Variants in DMD observed in about 807,000 individuals in gnomAD.
The protein encoded by DMD is dystrophin, also known as mutant dystrophin.
DMD carries 63 observed loss-of-function variants against 330.1 expected under a neutral mutation model. The ratio of observed to expected loss-of-function variants is 0.19; its 90% CI spans 0.16 to 0.24. The LOEUF is 0.24. Ranked by LOEUF, DMD falls within the 10% of genes least tolerant of loss-of-function variation. DMD has a pLI of 1.00. For synonymous variants in DMD, 1,223 were observed against 959.8 expected (o/e 1.27, Z -5.07); for missense variants, 3,344 against 2,684.1 (o/e 1.25, Z -5.43).
intron 43 of DMD, among the ~76,000 whole-genome samples, chrX:32,254,321 C>A (rs542135781): frequency 5.3e-5 from 6 of 112,180 alleles, no homozygotes; most frequent in South Asian, 7.4e-4. Flanking sequence ...GGATTACAGG[C>A]GAGAGCCACC....
At chrX:31,674,692 G>A (rs1417852173) in intron 53 of DMD, among the ~76,000 whole-genome samples, 1 of 112,137 alleles carries the variant, frequency 8.9e-6, no homozygotes, top group East Asian at 2.8e-4. Flanking sequence ...ATGAAAACTC[G>A]GAGCCTGGGA....
intron 1 of DMD, among the ~76,000 whole-genome samples, chrX:33,111,057 A>G (rs923886161): frequency 5.4e-5 from 6 of 111,647 alleles, no homozygotes; most frequent in Non-Finnish European, 9.4e-5. Context: ...AGCTACTGCA[A>G]CTAAGCACTC....
chrX:32,184,340 A>C, intron 44 of DMD, among the ~76,000 whole-genome samples: 1 of 111,175 alleles, frequency 9.0e-6, no homozygotes, highest in East Asian at 2.8e-4. Context: ...ATGGATGGGT[A>C]TTTAACAATT....
At chrX:33,042,157 G>C (rs1367089246) in intron 1 of DMD, among the ~76,000 whole-genome samples, 8 of 111,406 alleles carry the variant, frequency 7.2e-5, no homozygotes, top group Non-Finnish European at 1.5e-4. Flanking sequence ...TTTTGTAATT[G>C]TAACAACCTC....
In DMD at chrX:31,990,912, T is replaced by C. The variant is rs185193615; in HGVS notation, c.6439-22398A>G. Reference sequence around the variant, plus strand: ...AATGTTCAAGACAATAGAAGACATGTCATATTTCAATACCTGATGAATTTC... The same window carrying C: ...AATGTTCAAGACAATAGAAGACATGCCATATTTCAATACCTGATGAATTTC... On this transcript the variant is annotated intron_variant, in intron 44 of 78. Transcript: ENST00000357033. 5.8e-4 allele frequency among the ~76,000 whole-genome samples: 65 copies of C among 112,403 alleles called. 3 individuals are homozygous for C. In the East Asian group the frequency reaches 0.018, roughly 31 times the overall value.
At chrX:32,613,195 T>C (rs2057305968) in intron 12 of DMD, among the ~76,000 whole-genome samples, 1 of 111,465 alleles carries the variant, frequency 9.0e-6, no homozygotes, top group Non-Finnish European at 1.9e-5. Context: ...AAATTATTTG[T>C]TGTTTATCTG....
chrX:32,165,996 C>G (rs902447643), intron 44 of DMD, among the ~76,000 whole-genome samples: 7 of 111,084 alleles, frequency 6.3e-5, no homozygotes, highest in Non-Finnish European at 1.1e-4. Context: ...CTGAGGCCTC[C>G]CCAGCCATAT....
intron 64 of DMD, among the ~76,000 whole-genome samples, chrX:31,215,085 T>G (rs1172959177): frequency 1.1e-4 from 12 of 105,880 alleles, no homozygotes; most frequent in South Asian, 4.5e-4. Flanking sequence ...GGGACTACAG[T>G]CGCTCGCCAT....
At chrX:31,722,875 G>A (rs778910849) in intron 52 of DMD, among the ~76,000 whole-genome samples, 27 of 109,481 alleles carry the variant, frequency 2.5e-4, no homozygotes, top group African/African-American at 7.3e-4. Flanking sequence ...ACGAAACCCC[G>A]TCCCTACTAA....
At chrX:31,127,275 C>T (rs769301081) in intron 77 of DMD, among the ~76,000 whole-genome samples, 1 of 112,261 alleles carries the variant, frequency 8.9e-6, no homozygotes, top group Non-Finnish European at 1.9e-5. Flanking sequence ...ATGGGCAAGC[C>T]ACAGAGCCAG....
chrX:31,337,340 C>G (rs2057463692), intron 61 of DMD, among the ~76,000 whole-genome samples: 1 of 111,726 alleles, frequency 9.0e-6, no homozygotes, highest in Admixed American at 9.5e-5. Flanking sequence ...CTGCAGTCGC[C>G]TGAAATCAAG....
Position 33,109,397 on chromosome X carries a change from G to A in DMD, c.32-89197C>T, listed in dbSNP as rs150977507. Among the ~76,000 whole-genome samples the A allele has an allele frequency of 4.5e-3, 498 of 111,677 alleles. 4 individuals are homozygous for A. Among genetic ancestry groups the A allele is most frequent in the African/African-American group, 0.015 (454 of 30,778 alleles). On this transcript the variant is annotated intron_variant, in intron 1 of 78. Coordinates refer to ENST00000357033, the MANE Select transcript of DMD (RefSeq NM_004006.3). ...GTCTATTAGTGTATTTTTTCAGTCC[G>A]GTTTGTTTCTTCTGCTTCTTTAAAT...
At chrX:32,227,047 TA>T (rs2097150310) in intron 43 of DMD, among the ~76,000 whole-genome samples, 1 of 107,005 alleles carries the variant, frequency 9.3e-6, no homozygotes, top group Non-Finnish European at 1.9e-5. Flanking sequence ...GATGCACATT[TA>T]GGGACTGTGA....
rs777970639 is a variant in DMD at position 32,070,975 on chromosome X, C to T, written c.6439-102461G>A. 3.6e-5 allele frequency among the ~76,000 whole-genome samples: 4 copies of T among 111,620 alleles called. No individual in the cohort carries two copies. In the South Asian group the frequency reaches 1.5e-3, roughly 42 times the overall value. ...TGATGGTTTCCAGCTTCATCCATGTCCCTACAAAGGACGTGAACTCATCCT... is the reference window on the plus strand; with the variant it reads ...TGATGGTTTCCAGCTTCATCCATGTTCCTACAAAGGACGTGAACTCATCCT... On this transcript the variant is annotated intron_variant, in intron 44 of 78. Transcript: ENST00000357033.
At chrX:32,453,472 C>T (rs969298853) in intron 26 of DMD, among the ~76,000 whole-genome samples, 7 of 110,630 alleles carry the variant, frequency 6.3e-5, no homozygotes, top group East Asian at 2.8e-4. Flanking sequence ...ATGACAGATT[C>T]GATATTTAAA....
intron 55 of DMD, among the ~76,000 whole-genome samples, chrX:31,550,853 G>C (rs1259541407): frequency 8.9e-6 from 1 of 111,863 alleles, no homozygotes; most frequent in Admixed American, 9.5e-5. Context: ...TAGGGAACAG[G>C]AAAGGAGGAG....
intron 40 of DMD, chrX:32,342,798 A>T: frequency 2.8e-6 from 1 of 353,934 alleles, no homozygotes; most frequent in Non-Finnish European, 5.3e-6. Flanking sequence ...GATGAAATGA[A>T]TGGGCTAACA....
intron 16 of DMD, among the ~76,000 whole-genome samples, chrX:32,560,495 G>A (rs892706187): frequency 4.5e-5 from 5 of 110,236 alleles, no homozygotes; most frequent in African/African-American, 1.7e-4. Context: ...GGTTTGTTAT[G>A]GAGGTAAATG....
chrX:32,528,173 G>A (rs1222494089), intron 17 of DMD, among the ~76,000 whole-genome samples: 2 of 110,981 alleles, frequency 1.8e-5, no homozygotes, highest in Non-Finnish European at 3.8e-5. Flanking sequence ...GCCAGCTGTG[G>A]TGGTGGGCAC....
Sources: allele counts gnomAD v4.1 joint callset (sites outside exome capture counted in the v4.1 genomes callset), GRCh38; gene constraint gnomAD v4.1.1; transcripts MANE v1.5; gene names NCBI Gene and HGNC (gene_info 2026-07-23, HGNC 2026-07-21).